NCBP2: variants seen among roughly 807,000 people sequenced by gnomAD.
NCBP2 encodes the protein nuclear cap-binding protein subunit 2.
In NCBP2, 8 loss-of-function variants were observed where a neutral mutation model predicts 21.5. That is an observed-to-expected ratio of 0.37 (90% CI 0.22 to 0.67). NCBP2 has a LOEUF of 0.67. Among genes scored for constraint, NCBP2 ranks in the 30% least tolerant of loss-of-function variants. The pLI, the probability that NCBP2 is intolerant of heterozygous loss-of-function variation, is 0.56. For synonymous variants in NCBP2, 92 were observed against 75.8 expected, an observed-to-expected ratio of 1.21 and a Z score of -1.11; for missense variants, 127 against 206.9, an observed-to-expected ratio of 0.61 and a Z score of 2.37.
chr3:196,938,960 G>C (rs1166848556), intron 2 of NCBP2: 1 of 309,770 alleles, frequency 3.2e-6, no homozygotes, highest in Non-Finnish European at 5.9e-6. Flanking sequence ...GGCATTAGGG[G>C]TTTAGAACAG....
chr3:196,942,522 A>C lies in NCBP2; in HGVS notation c.-19T>G. ...CCGACATAGTGCAGAGAAGCGGACC[A>C]CAATGCGGCGACTCCCGGCACGAGG... On this transcript the variant is annotated 5_prime_UTR_variant, in exon 1 of 4. Transcript: ENST00000321256. 6.2e-7 allele frequency: 1 copy of C among 1,606,684 alleles called. No individual in the cohort carries two copies. Among genetic ancestry groups the C allele is most frequent in the South Asian group, 1.1e-5 (1 of 90,318 alleles).
Position 196,939,306 on chromosome 3 carries a change from TTTTC to T in NCBP2, c.201_204del (p.Lys68SerfsTer8), listed in dbSNP as rs778401543. 26 of 1,613,686 alleles carry T rather than the reference TTTTC, an allele frequency of 1.6e-5. No individual in the cohort carries two copies. The highest frequency in any genetic ancestry group is 2.7e-5 in the African/African-American group (2 of 74,918). ...TTCATTTTATCCAGACCCATAATGATTTTCTTTATGTCACCACTTTTGCTGAAGA... is the reference window on the plus strand; with the variant it reads ...TTCATTTTATCCAGACCCATAATGATTTTATGTCACCACTTTTGCTGAAGA... On this transcript the variant is annotated frameshift_variant, in exon 2 of 4. Coordinates refer to ENST00000321256, the MANE Select transcript of NCBP2 (RefSeq NM_007362.5). LOFTEE classifies it high-confidence loss of function.
rs552199599 is a variant in NCBP2 at position 196,936,984 on chromosome 3, G to A, written c.*27C>T. The A allele has an allele frequency of 7.8e-5, 126 of 1,610,374 alleles. No individual in the cohort carries two copies. The South Asian group carries it at 1.2e-3, about 15-fold the overall frequency. On this transcript the variant is annotated 3_prime_UTR_variant, in exon 4 of 4. Coordinates refer to ENST00000321256, the MANE Select transcript of NCBP2 (RefSeq NM_007362.5). ...AGCAAATTCAACAGGCCAAAGGAGT[G>A]TTTGTCACTGACAGAGCTCTCACCA...
chr3:196,937,722 AGTT>A (rs1386075892), intron 2 of NCBP2, 74 bp from the exon 3 acceptor site: 1 of 1,569,352 alleles, frequency 6.4e-7, no homozygotes, highest in Non-Finnish European at 8.7e-7. Context: ...AATGAAGCTG[AGTT>A]GTTAAAAAGT....
chr3:196,939,178 A>G (rs771716548), intron 2 of NCBP2, 73 bp downstream of exon 2: 3 of 1,374,024 alleles, frequency 2.2e-6, no homozygotes, highest in Non-Finnish European at 3.1e-6. Flanking sequence ...GGACGAGTGC[A>G]GGGACGCTTA....
At chr3:196,939,666 G>T (rs887624771) in intron 1 of NCBP2, among the ~76,000 whole-genome samples, 5 of 152,182 alleles carry the variant, frequency 3.3e-5, no homozygotes, top group African/African-American at 4.8e-5. Flanking sequence ...ATACAACAAA[G>T]TCACTTCTAC....
In NCBP2 at chr3:196,937,094, A is replaced by G. The variant is rs1391278061; in HGVS notation, c.400-12T>C. 5.0e-6 allele frequency: 8 copies of G among 1,613,520 alleles called. No homozygotes were observed. Among genetic ancestry groups the G allele is most frequent in the Non-Finnish European group, 6.8e-6 (8 of 1,179,530 alleles). ...TACTCATCCCGAACCTTTAATGGAA[A>G]GAATCCAGAGTTACAGTATGGAAAA... is the stretch of plus-strand genomic sequence containing the variant. On this transcript the variant is annotated splice_polypyrimidine_tract_variant and intron_variant, in intron 3 of 3. Coordinates refer to ENST00000321256, the MANE Select transcript of NCBP2 (RefSeq NM_007362.5).
chr3:196,939,453 A>C, intron 1 of NCBP2, 21 bp from the exon 2 acceptor site: 2 of 1,549,224 alleles, frequency 1.3e-6, no homozygotes, highest in South Asian at 2.3e-5. Flanking sequence ...AAATAGAGAC[A>C]AAAGTTAAGC....
chr3:196,942,350 A>G, intron 1 of NCBP2, 76 bp downstream of exon 1: 1 of 1,559,812 alleles, frequency 6.4e-7, no homozygotes, highest in East Asian at 2.4e-5. Flanking sequence ...GGGAGGCGAC[A>G]CAATGAGACA....
chr3:196,941,631 A>G (rs891678106), intron 1 of NCBP2: 10 of 495,616 alleles, frequency 2.0e-5, no homozygotes, highest in East Asian at 3.5e-5. Flanking sequence ...ATTTGGCGAC[A>G]GCACTCGATA....
rs755642495 is a variant in NCBP2, at chr3:196,942,407, G to A, written c.78+19C>T. The A allele has an allele frequency of 6.2e-6, 10 of 1,609,964 alleles. No homozygotes were observed. Among genetic ancestry groups the A allele is most frequent in the Non-Finnish European group, 8.5e-6 (10 of 1,178,640 alleles). Reference sequence around the variant, plus strand: ...TTCTTGCCCAGGGCCTTCCCGTCTCGCGGCCCGGCCTCCCTCACCCGGAAG... The same window carrying A: ...TTCTTGCCCAGGGCCTTCCCGTCTCACGGCCCGGCCTCCCTCACCCGGAAG... On this transcript the variant is annotated intron_variant, in intron 1 of 3. Transcript: ENST00000321256.
Position 196,942,412 on chromosome 3 carries a change from C to G in NCBP2, c.78+14G>C, listed in dbSNP as rs199529816. ...GCCCAGGGCCTTCCCGTCTCGCGGC[C>G]CGGCCTCCCTCACCCGGAAGTGCTG... On this transcript the variant is annotated intron_variant, in intron 1 of 3. Transcript: ENST00000321256. 3 of 1,611,032 alleles carry G rather than the reference C, an allele frequency of 1.9e-6. No individual in the cohort carries two copies. Among genetic ancestry groups the G allele is most frequent in the African/African-American group, 2.7e-5 (2 of 75,016 alleles).
intron 1 of NCBP2, chr3:196,941,658 T>G (rs1045607769): frequency 2.2e-5 from 12 of 545,182 alleles, no homozygotes; most frequent in Non-Finnish European, 3.9e-5. Flanking sequence ...TACTAAATAA[T>G]TGGGTTAATG....
At chr3:196,939,228 C>CATT (rs1386409656) in intron 2 of NCBP2, 23 bp downstream of exon 2, 1 of 1,603,568 alleles carries the variant, frequency 6.2e-7, no homozygotes, top group African/African-American at 1.3e-5. Flanking sequence ...TCAGCAGCTA[C>CATT]ATTAGATCCA....
At chr3:196,940,564 A>G (rs550909143) in intron 1 of NCBP2, among the ~76,000 whole-genome samples, 3 of 152,340 alleles carry the variant, frequency 2.0e-5, no homozygotes, top group East Asian at 1.9e-4. Flanking sequence ...AATAGCCTAC[A>G]GTTTAAGATA....
Position 196,936,783 on chromosome 3 carries a change from C to T in NCBP2, c.*228G>A. Reference sequence around the variant, plus strand: ...GTTGTCAAAGAACACAATTTCTGACCTGGTAACAAAATTGTTCTGATAATC... The same window carrying T: ...GTTGTCAAAGAACACAATTTCTGACTTGGTAACAAAATTGTTCTGATAATC... On this transcript the variant is annotated 3_prime_UTR_variant, in exon 4 of 4. Coordinates refer to ENST00000321256, the MANE Select transcript of NCBP2 (RefSeq NM_007362.5). The T allele has an allele frequency of 1.8e-6, 1 of 570,796 alleles. No individual in the cohort carries two copies. The highest frequency in any genetic ancestry group is 3.1e-6 in the Non-Finnish European group (1 of 319,228). The allele number at this position is 570,796 out of a possible 1,614,324, so 35.4% of individuals were successfully genotyped here.
chr3:196,938,259 T>C (rs1716358402), intron 2 of NCBP2: 1 of 152,240 alleles, frequency 6.6e-6, no homozygotes. Context: ...AACCTGTGTA[T>C]CCCCGAGGCA....
chr3:196,942,003 C>T, intron 1 of NCBP2: 2 of 1,536,144 alleles, frequency 1.3e-6, no homozygotes, highest in South Asian at 1.2e-5. Context: ...ACTGCTTCGC[C>T]GATTTAAAAA....
intron 1 of NCBP2, chr3:196,941,741 T>C: frequency 1.6e-6 from 1 of 638,956 alleles, no homozygotes; most frequent in African/African-American, 1.8e-5. Flanking sequence ...ACTTTGAATA[T>C]CTGCTGCCTC....
Sources: allele counts gnomAD v4.1 joint callset (sites outside exome capture counted in the v4.1 genomes callset), GRCh38; gene constraint gnomAD v4.1.1; transcripts MANE v1.5; gene names NCBI Gene and HGNC (gene_info 2026-07-23, HGNC 2026-07-21).